HDAC9: variants seen among roughly 807,000 people sequenced by gnomAD.
HDAC9 encodes the protein MEF-2 interacting transcription repressor (MITR) protein.
Under a neutral mutation model 139.4 loss-of-function variants are expected in HDAC9, and 41 were observed. The ratio of observed to expected loss-of-function variants is 0.29; its 90% CI spans 0.23 to 0.38. The LOEUF is 0.38. Ranked by LOEUF, HDAC9 falls within the 10% of genes least tolerant of loss-of-function variation. The pLI, the probability that HDAC9 is intolerant of heterozygous loss-of-function variation, is 1.00. For synonymous variants in HDAC9, 517 were observed against 476.2 expected (o/e 1.09, Z -1.12); for missense variants, 1,147 against 1,297.0 (o/e 0.88, Z 1.78).
chr7:18,641,990 T>C (rs1324644321), intron 8 of HDAC9, among the ~76,000 whole-genome samples: 1 of 152,050 alleles, frequency 6.6e-6, no homozygotes, highest in African/African-American at 2.4e-5. Context: ...TCAAGGGAAA[T>C]GGTTTTTCAT....
chr7:18,951,757 ATTATT>A (rs1323880662), intron 23 of HDAC9, among the ~76,000 whole-genome samples: 3 of 151,868 alleles, frequency 2.0e-5, no homozygotes, highest in African/African-American at 7.2e-5. Flanking sequence ...AATATTTAAT[ATTATT>A]TTATTAGTTA....
At chr7:18,453,836 C>G (rs1029589072) in intron 1 of HDAC9, among the ~76,000 whole-genome samples, 1 of 152,072 alleles carries the variant, frequency 6.6e-6, no homozygotes, top group African/African-American at 2.4e-5. Context: ...AGTACACTTG[C>G]TAAAGCAATC....
chr7:18,647,919 A>T lies in HDAC9; in HGVS notation c.1170A>T (p.Pro390=), dbSNP rs35614472. Residue 390 remains proline, a synonymous_variant, in exon 10 of 26, where the codon CCA becomes CCT. Coordinates refer to ENST00000686413, the MANE Select transcript of HDAC9 (RefSeq NM_178425.4). ...CTCATGTTACTTTAGAGGGAAAGCC[A>T]CCCAACAGCAGCCACCAGGCTCTCC... is the stretch of plus-strand genomic sequence containing the variant. ...SHPHVTLEGK[P]PNSSHQALLQ... is the part of the protein sequence containing the mutation. 19,444 of 1,612,834 alleles carry T rather than the reference A, an allele frequency of 0.012. 209 individuals are homozygous for T. Among genetic ancestry groups the T allele is most frequent in the Non-Finnish European group, 0.012 (14,247 of 1,179,422 alleles).
intron 25 of HDAC9, among the ~76,000 whole-genome samples, chr7:18,987,551 G>A (rs1785468992): frequency 6.6e-6 from 1 of 152,188 alleles, no homozygotes; most frequent in South Asian, 2.1e-4. Context: ...GTCTCTGCCA[G>A]GCTTTGGTAT....
intron 2 of HDAC9, among the ~76,000 whole-genome samples, chr7:18,230,840 C>G (rs549302110): frequency 6.6e-6 from 1 of 152,112 alleles, no homozygotes; most frequent in African/African-American, 2.4e-5. Context: ...GAGATTAATG[C>G]GTTCCAACAA....
At chr7:18,243,279 A>G (rs935435047) in intron 2 of HDAC9, among the ~76,000 whole-genome samples, 10 of 152,242 alleles carry the variant, frequency 6.6e-5, no homozygotes, top group Non-Finnish European at 1.5e-4. Context: ...CTACGAAACT[A>G]TTCTTGACTT....
intron 22 of HDAC9, among the ~76,000 whole-genome samples, chr7:18,921,904 A>T (rs1325665153): frequency 2.0e-5 from 3 of 152,182 alleles, no homozygotes; most frequent in Admixed American, 6.6e-5. Context: ...AGCCATAACA[A>T]AGGATGAGTT....
At chr7:18,415,171 T>C (rs1462632677) in intron 1 of HDAC9, among the ~76,000 whole-genome samples, 1 of 152,196 alleles carries the variant, frequency 6.6e-6, no homozygotes, top group Non-Finnish European at 1.5e-5. Context: ...TACACTGCTC[T>C]TTCTAATGGC....
At chr7:18,305,665 G>A (rs1159100617) in intron 1 of HDAC9, among the ~76,000 whole-genome samples, 1 of 138,604 alleles carries the variant, frequency 7.2e-6, no homozygotes, top group African/African-American at 3.2e-5. Flanking sequence ...TAGTTCTGTT[G>A]TACCCTTGTA....
intron 1 of HDAC9, among the ~76,000 whole-genome samples, chr7:18,456,466 C>A (rs1314488863): frequency 6.6e-6 from 1 of 152,064 alleles, no homozygotes; most frequent in East Asian, 1.9e-4. Context: ...GAACTCTTGA[C>A]CTCAGGTATC....
intron 2 of HDAC9, among the ~76,000 whole-genome samples, chr7:18,503,083 G>A (rs889425109): frequency 1.3e-5 from 2 of 152,110 alleles, no homozygotes; most frequent in Admixed American, 1.3e-4. Context: ...GAATTTGAAT[G>A]CTTTGAAAAT....
At chr7:18,482,077 A>G (rs1363637159) in intron 1 of HDAC9, among the ~76,000 whole-genome samples, 3 of 152,128 alleles carry the variant, frequency 2.0e-5, no homozygotes, top group Non-Finnish European at 4.4e-5. Flanking sequence ...GCCTTGAGGC[A>G]TGATCATTCA....
intron 2 of HDAC9, among the ~76,000 whole-genome samples, chr7:18,255,736 C>T (rs903859014): frequency 6.7e-6 from 1 of 149,784 alleles, no homozygotes; most frequent in African/African-American, 2.4e-5. Context: ...TCAAGCAACT[C>T]TCCTGCCTCA....
intron 13 of HDAC9, among the ~76,000 whole-genome samples, 171 bp downstream of exon 13, chr7:18,727,928 T>C (rs1009336812): frequency 2.0e-5 from 3 of 152,224 alleles, no homozygotes; most frequent in African/African-American, 7.2e-5. Context: ...GCACATCTGA[T>C]AAATCTTGGG....
intron 16 of HDAC9, 22 bp downstream of exon 16, chr7:18,767,177 G>T: frequency 6.9e-7 from 1 of 1,442,432 alleles, no homozygotes; most frequent in East Asian, 2.4e-5. Flanking sequence ...TTGGTTTACT[G>T]CCTTTAAATA....
rs1046166712 is a variant in HDAC9 at position 18,567,717 on chromosome 7, C to G, written c.23-17564C>G. ...TAGTTTTTAAACAATACCTAACTAC[C>G]AGAACTATCTTGCATGAAGCACAAA... On this transcript the variant is annotated intron_variant, in intron 2 of 25. Transcript: ENST00000686413. 3.3e-5 allele frequency among the ~76,000 whole-genome samples: 5 copies of G among 151,970 alleles called. No homozygotes were observed. In the East Asian group the frequency reaches 9.6e-4, roughly 29 times the overall value.
intron 17 of HDAC9, among the ~76,000 whole-genome samples, chr7:18,825,821 C>A (rs1398466238): frequency 6.8e-6 from 1 of 147,870 alleles, no homozygotes; most frequent in Non-Finnish European, 1.5e-5. Flanking sequence ...AACAAATACA[C>A]ACATATATAC....
intron 1 of HDAC9, among the ~76,000 whole-genome samples, chr7:18,299,721 C>G (rs1798408560): frequency 6.6e-6 from 1 of 152,128 alleles, no homozygotes; most frequent in South Asian, 2.1e-4. Flanking sequence ...CAAATTCTAA[C>G]TTGGTTGAAA....
chr7:18,400,148 A>G (rs567320281), intron 1 of HDAC9, among the ~76,000 whole-genome samples: 4 of 152,342 alleles, frequency 2.6e-5, no homozygotes, highest in African/African-American at 9.6e-5. Context: ...AAGAAGTACC[A>G]TGCTACTTTG....
Sources: allele counts gnomAD v4.1 joint callset (sites outside exome capture counted in the v4.1 genomes callset), GRCh38; gene constraint gnomAD v4.1.1; transcripts MANE v1.5; gene names NCBI Gene and HGNC (gene_info 2026-07-23, HGNC 2026-07-21).